The following CYB5R4 variants were observed in gnomAD, a reference collection of about 807,000 sequenced individuals.
The protein encoded by CYB5R4 is N-terminal cytochrome b5 and cytochrome b5 oxidoreductase domain-containing protein.
In CYB5R4, 55 loss-of-function variants were observed where a neutral mutation model predicts 70.2. The ratio of observed to expected loss-of-function variants is 0.78; its 90% CI spans 0.63 to 0.98. The LOEUF (loss-of-function observed/expected upper bound fraction) is 0.98, where lower values mean the gene tolerates loss of function less well. Among genes scored for constraint, CYB5R4 ranks in the 50% least tolerant of loss-of-function variants. The pLI, the probability that CYB5R4 is intolerant of heterozygous loss-of-function variation, is 0.00. For missense variants in CYB5R4, 562 were observed against 612.6 expected, an observed-to-expected ratio of 0.92 and a Z score of 0.87; for synonymous variants, 197 against 199.5, an observed-to-expected ratio of 0.99 and a Z score of 0.11.
intron 2 of CYB5R4, among the ~76,000 whole-genome samples, chr6:83,881,240 T>C (rs2099459393): frequency 6.6e-6 from 1 of 152,082 alleles, no homozygotes. Context: ...AGTGGTGCAG[T>C]ACCAGCTCAC....
In CYB5R4 at chr6:83,894,763, A is replaced by G. The variant is rs552159558; in HGVS notation, c.330+1141A>G. ...AAAAGAAAATGCTATTAAGAAAATC[A>G]TAAGGAAGAGAAAATATATTTATAT... On this transcript the variant is annotated intron_variant, in intron 3 of 15. Coordinates refer to ENST00000369681, the MANE Select transcript of CYB5R4 (RefSeq NM_016230.4). 5.3e-5 allele frequency among the ~76,000 whole-genome samples: 8 copies of G among 149,916 alleles called. No homozygotes were observed. The East Asian group carries it at 1.6e-3, about 29-fold the overall frequency.
intron 10 of CYB5R4, among the ~76,000 whole-genome samples, chr6:83,934,285 A>G (rs988072223): frequency 2.0e-5 from 3 of 152,082 alleles, no homozygotes; most frequent in Non-Finnish European, 4.4e-5. Flanking sequence ...CTTCATTATC[A>G]AATAAAATTA....
At chr6:83,932,347 C>T (rs1166478175) in intron 10 of CYB5R4, among the ~76,000 whole-genome samples, 1 of 152,132 alleles carries the variant, frequency 6.6e-6, no homozygotes, top group Non-Finnish European at 1.5e-5. Context: ...CCAGGATTTC[C>T]TTGTGTTTTA....
chr6:83,903,309 A>T (rs149135405), intron 3 of CYB5R4, among the ~76,000 whole-genome samples: 1 of 151,990 alleles, frequency 6.6e-6, no homozygotes, highest in Non-Finnish European at 1.5e-5. Context: ...TGTTGATGTG[A>T]TGTATCACAT....
chr6:83,955,431 G>A lies in CYB5R4; in HGVS notation c.1480G>A (p.Gly494Arg). ...DKSKVLVCIC[G>R]PVPFTEQGVR... ...ATCCAAAGTTCTCGTCTGCATTTGTGGACCAGTGCCATTTACAGAACAAGG... is the reference window on the plus strand; with the variant it reads ...ATCCAAAGTTCTCGTCTGCATTTGTAGACCAGTGCCATTTACAGAACAAGG... The change falls in exon 15 of 16, where the codon GGA becomes AGA. Residue 494 changes from glycine to arginine, a missense_variant. Transcript: ENST00000369681. 6.2e-7 allele frequency: 1 copy of A among 1,613,800 alleles called. No individual in the cohort carries two copies. The highest frequency in any genetic ancestry group is 8.5e-7 in the Non-Finnish European group (1 of 1,179,850).
chr6:83,918,117 T>C (rs568242390), intron 6 of CYB5R4, 52 bp downstream of exon 6: 1 of 1,352,580 alleles, frequency 7.4e-7, no homozygotes, highest in South Asian at 1.2e-5. Context: ...TGTACAAAAA[T>C]GTACACATTT....
intron 3 of CYB5R4, among the ~76,000 whole-genome samples, chr6:83,904,978 G>A (rs2099463538): frequency 6.7e-6 from 1 of 150,218 alleles, no homozygotes; most frequent in African/African-American, 2.4e-5. Flanking sequence ...TGTTTCCTGT[G>A]TCCTTATGTT....
chr6:83,934,356 CTCAT>C (rs2099468608), intron 10 of CYB5R4, among the ~76,000 whole-genome samples: 1 of 151,446 alleles, frequency 6.6e-6, no homozygotes. Context: ...GGAAATAACA[CTCAT>C]TAAGTTCATT....
At chr6:83,876,425 C>G (rs2099458566) in intron 2 of CYB5R4, among the ~76,000 whole-genome samples, 1 of 151,732 alleles carries the variant, frequency 6.6e-6, no homozygotes, top group South Asian at 2.1e-4. Flanking sequence ...TGGATTCATC[C>G]ATTGTTGACA....
At chr6:83,872,640 C>T (rs1211046695) in intron 2 of CYB5R4, among the ~76,000 whole-genome samples, 1 of 152,148 alleles carries the variant, frequency 6.6e-6, no homozygotes, top group African/African-American at 2.4e-5. Flanking sequence ...AGTTCATAGC[C>T]TGAAGATGAT....
chr6:83,905,476 C>A (rs914330220), intron 3 of CYB5R4, among the ~76,000 whole-genome samples: 2 of 152,110 alleles, frequency 1.3e-5, no homozygotes, highest in African/African-American at 2.4e-5. Context: ...TATATGATTT[C>A]TTCAGGTGTA....
At position 83,924,384 on chromosome 6, in the gene CYB5R4, C is replaced by G. The variant is rs1432138366; in HGVS notation, c.692-86C>G. Reference sequence around the variant, plus strand: ...GTACCATTCATATTAGATCAGGACACTTGTACTATTTGAGAAATACTGGTT... The same window carrying G: ...GTACCATTCATATTAGATCAGGACAGTTGTACTATTTGAGAAATACTGGTT... On this transcript the variant is annotated intron_variant, in intron 9 of 15. Coordinates refer to ENST00000369681, the MANE Select transcript of CYB5R4 (RefSeq NM_016230.4). 3.6e-6 allele frequency: 5 copies of G among 1,387,572 alleles called. No individual in the cohort carries two copies. The South Asian group carries it at 6.6e-5, about 18-fold the overall frequency. 86.0% of individuals were successfully genotyped at this position (1,387,572 alleles called of 1,614,324 possible).
In CYB5R4 at chr6:83,931,798, T is replaced by C. The variant is rs1280692254; in HGVS notation, c.815-2797T>C. On this transcript the variant is annotated intron_variant, in intron 10 of 15. Transcript: ENST00000369681. ...TATACTTCTTTTTTGTTTATATATA[T>C]ATATATTTTTTTTTTATTATACTTT... is the stretch of plus-strand genomic sequence containing the variant. Among the ~76,000 whole-genome samples the C allele has an allele frequency of 3.3e-5, 4 of 121,188 alleles. No individual in the cohort carries two copies. In the East Asian group the frequency reaches 1.3e-3, roughly 39 times the overall value. 79.5% of individuals were successfully genotyped at this position (121,188 alleles called of 152,430 possible). A position where few individuals can be genotyped will look rare whatever the true frequency, so the allele number is the denominator to read the frequency against.
chr6:83,899,539 A>G (rs1023983140), intron 3 of CYB5R4, among the ~76,000 whole-genome samples: 2 of 152,104 alleles, frequency 1.3e-5, no homozygotes, highest in South Asian at 2.1e-4. Context: ...CAGAAGGAAT[A>G]GTACCAGCTC....
chr6:83,929,794 C>T (rs1157645170), intron 10 of CYB5R4, among the ~76,000 whole-genome samples: 1 of 151,872 alleles, frequency 6.6e-6, no homozygotes, highest in African/African-American at 2.4e-5. Context: ...TCTTGGATCA[C>T]CAAACAAAGG....
At position 83,922,945 on chromosome 6, in the gene CYB5R4, A is replaced by G. The variant is rs531172387; in HGVS notation, c.691+475A>G. Among the ~76,000 whole-genome samples, 161 of 150,770 alleles carry G rather than the reference A, an allele frequency of 1.1e-3. 3 individuals are homozygous for G. Among genetic ancestry groups the G allele is most frequent in the Admixed American group, 0.01 (158 of 15,154 alleles). ...TTGAGATCACAGTACACACACCACCACACCTGGCTAATTTTTTTTTGTAGA... is the reference window on the plus strand; with the variant it reads ...TTGAGATCACAGTACACACACCACCGCACCTGGCTAATTTTTTTTTGTAGA... On this transcript the variant is annotated intron_variant, in intron 9 of 15. Transcript: ENST00000369681.
rs564566668 is a variant in CYB5R4, at chr6:83,884,180, T to TATA, written c.230-9339_230-9337dup. On this transcript the variant is annotated intron_variant, in intron 2 of 15. Transcript: ENST00000369681. ...TTATAATAATTATCTATCATGTAAT[T>TATA]ATAATTATCTATTGATAATTATCTT... 3.6e-3 allele frequency among the ~76,000 whole-genome samples: 553 copies of TATA among 151,998 alleles called. 1 individual carries two copies. Among genetic ancestry groups the TATA allele is most frequent in the African/African-American group, 0.012 (516 of 41,530 alleles).
chr6:83,880,918 CTGTTTAGGAA>C (rs2099459339), intron 2 of CYB5R4, among the ~76,000 whole-genome samples: 2 of 152,244 alleles, frequency 1.3e-5, no homozygotes, highest in African/African-American at 4.8e-5. Flanking sequence ...GTCCTGGGAG[CTGTTTAGGAA>C]TGGGTGGTGG....
chr6:83,909,021 G>C lies in CYB5R4; in HGVS notation c.343G>C (p.Val115Leu). The C allele has an allele frequency of 6.2e-7, 1 of 1,613,414 alleles. No individual in the cohort carries two copies. ...TTTTACATACCAGGTTCATCGTTGG[G>C]TCAATTATGAATCCATGCTGAAAGA... ...TELFDQVHRW[V>L]NYESMLKECL... is the part of the protein sequence containing the mutation. Residue 115 changes from valine to leucine, a missense_variant, in exon 4 of 16, where the codon GTC becomes CTC. By Grantham distance (32) the Val-to-Leu change is conservative. Coordinates refer to ENST00000369681, the MANE Select transcript of CYB5R4 (RefSeq NM_016230.4).
Sources: allele counts gnomAD v4.1 joint callset (sites outside exome capture counted in the v4.1 genomes callset), GRCh38; gene constraint gnomAD v4.1.1; transcripts MANE v1.5; gene names NCBI Gene and HGNC (gene_info 2026-07-23, HGNC 2026-07-21).